The following CLTC variants were observed in gnomAD, a reference collection of about 807,000 sequenced individuals.
The protein encoded by CLTC is clathrin heavy chain 1.
In CLTC, 16 loss-of-function variants were observed where a neutral mutation model predicts 195.8. The ratio of observed to expected loss-of-function variants is 0.08; its 90% CI spans 0.06 to 0.12. The LOEUF is 0.12. Among genes scored for constraint, CLTC ranks in the 10% least tolerant of loss-of-function variants. CLTC has a pLI of 1.00. For synonymous variants in CLTC, 667 were observed against 689.4 expected (o/e 0.97, Z 0.51); for missense variants, 796 against 2,027.0 (o/e 0.39, Z 11.66).
intron 13 of CLTC, among the ~76,000 whole-genome samples, chr17:59,667,583 G>A (rs2032759843): frequency 6.6e-6 from 1 of 152,180 alleles, no homozygotes; most frequent in Non-Finnish European, 1.5e-5. Flanking sequence ...TATTTAGCAG[G>A]ATTTCTTAAC....
chr17:59,677,506 T>C (rs1390585549), intron 17 of CLTC, among the ~76,000 whole-genome samples: 4 of 152,208 alleles, frequency 2.6e-5, no homozygotes, highest in African/African-American at 9.6e-5. Context: ...TGGGAATAAC[T>C]TGAATGCATC....
chr17:59,664,871 T>A lies in CLTC; in HGVS notation c.1606T>A (p.Leu536Ile), dbSNP rs749766736. The A allele has an allele frequency of 2.5e-6, 4 of 1,613,946 alleles. No individual in the cohort carries two copies. In the African/African-American group the frequency reaches 5.3e-5, roughly 22 times the overall value. ...PDQGQQFAQM[L>I]VQDEEPLADI... is the part of the protein sequence containing the mutation. The stretch of plus-strand genomic sequence containing the variant: ...TCAGGGACAGCAGTTTGCCCAAATG[T>A]TAGTTCAAGATGAAGAGCCTCTTGC... Residue 536 changes from leucine (L) to isoleucine (I), a missense_variant, in exon 10 of 32, where the codon TTA becomes ATA. Leu to Ile is a conservative substitution (Grantham distance 5). Around this residue, in one of 9 missense-constraint regions of CLTC, gnomAD observed 293 missense variants for 795.6 expected, o/e 0.37. Coordinates refer to ENST00000269122, the MANE Select transcript of CLTC (RefSeq NM_004859.4).
intron 30 of CLTC, chr17:59,686,914 C>T (rs2143605359): frequency 1.2e-6 from 1 of 810,914 alleles, no homozygotes; most frequent in South Asian, 5.6e-5. Context: ...TGTTTCTTCC[C>T]TAAACCTTTG....
At chr17:59,639,964 G>T (rs1056791669) in intron 1 of CLTC, among the ~76,000 whole-genome samples, 1 of 151,918 alleles carries the variant, frequency 6.6e-6, no homozygotes, top group Non-Finnish European at 1.5e-5. Context: ...AATAAATAAA[G>T]AATAAAAATA....
At position 59,674,993 on chromosome 17, in the gene CLTC, T is replaced by TTTA. The variant is rs377256570; in HGVS notation, c.2561+150_2561+151insTTA. On this transcript the variant is annotated intron_variant, in intron 16 of 31. Coordinates refer to ENST00000269122, the MANE Select transcript of CLTC (RefSeq NM_004859.4). ...AACATAGAGGTGATAAGCTAGCTAA[T>TTTA]AGCACTGGGAAAAAATCTGTTTTCT... The TTTA allele has an allele frequency of 3.1e-3, 2,198 of 716,086 alleles. 7 individuals carry two copies. Among genetic ancestry groups the TTTA allele is most frequent in the Non-Finnish European group, 4.0e-3 (1,756 of 441,970 alleles). 44.4% of individuals were successfully genotyped at this position (716,086 alleles called of 1,614,324 possible). A position where few individuals can be genotyped will look rare whatever the true frequency, so the allele number is the denominator to read the frequency against.
rs556688349 is a variant in CLTC, at chr17:59,636,159, C to G, written c.43-8117C>G. Among the ~76,000 whole-genome samples, 3 of 151,828 alleles carry G rather than the reference C, an allele frequency of 2.0e-5. No individual in the cohort carries two copies. In the East Asian group the frequency reaches 5.8e-4, roughly 29 times the overall value. On this transcript the variant is annotated intron_variant, in intron 1 of 31. Transcript: ENST00000269122. ...CAAAAAAAAAAAAAACAGTCTATAT[C>G]ATAATACCATAGTCCCAGAACTAGA...
Position 59,681,480 on chromosome 17 carries a change from T to C in CLTC, c.3249+2T>C. The stretch of plus-strand genomic sequence containing the variant: ...GATGTCAATACTTCAGCAGTTCAGG[T>C]AAATCTTCAGATTACCTAAGTTGAA... On this transcript the variant is annotated splice_donor_variant, in intron 20 of 31. Coordinates refer to ENST00000269122, the MANE Select transcript of CLTC (RefSeq NM_004859.4). LOFTEE classifies it high-confidence loss of function. This position sits in a 1 kb window ranked among gnomAD's most constrained non-coding sequence, Gnocchi z 5.0. 1.2e-6 allele frequency: 2 copies of C among 1,613,842 alleles called. No homozygotes were observed. The highest frequency in any genetic ancestry group is 1.7e-6 in the Non-Finnish European group (2 of 1,179,808).
intron 6 of CLTC, among the ~76,000 whole-genome samples, chr17:59,658,475 C>T (rs1229874166): frequency 6.6e-6 from 1 of 152,146 alleles, no homozygotes; most frequent in Non-Finnish European, 1.5e-5. Context: ...ATTTTATGTG[C>T]CAGCTACTTT....
At chr17:59,676,827 C>T (rs375163017) in intron 16 of CLTC, 127 bp from the exon 17 acceptor site, 41 of 700,192 alleles carry the variant, frequency 5.9e-5, no homozygotes, top group Non-Finnish European at 7.1e-5. Flanking sequence ...TAGCAATACT[C>T]GGGGGGCGGG....
chr17:59,676,758 G>A (rs558225084), intron 16 of CLTC, among the ~76,000 whole-genome samples, 196 bp from the exon 17 acceptor site: 2 of 152,280 alleles, frequency 1.3e-5, no homozygotes, highest in South Asian at 4.1e-4. Context: ...TTGAGCCCAA[G>A]GCTGTAGTGC....
At chr17:59,671,541 G>C (rs558713916) in intron 14 of CLTC, among the ~76,000 whole-genome samples, 1 of 152,266 alleles carries the variant, frequency 6.6e-6, no homozygotes, top group South Asian at 2.1e-4. Flanking sequence ...GGTACCCTGT[G>C]AGCAGGATAA....
chr17:59,653,342 C>T (rs1048790304), intron 5 of CLTC, among the ~76,000 whole-genome samples: 3 of 151,348 alleles, frequency 2.0e-5, no homozygotes, highest in African/African-American at 7.3e-5. Flanking sequence ...TACAGGCACC[C>T]ACCACCACCC....
chr17:59,634,781 A>G (rs1354007205), intron 1 of CLTC, among the ~76,000 whole-genome samples: 2 of 152,212 alleles, frequency 1.3e-5, no homozygotes, highest in Non-Finnish European at 2.9e-5. Flanking sequence ...TATCCTGTTG[A>G]TGGAAGAACT....
At chr17:59,687,547 A>AT (rs2033210497) in intron 30 of CLTC, among the ~76,000 whole-genome samples, 1 of 151,388 alleles carries the variant, frequency 6.6e-6, no homozygotes, top group Non-Finnish European at 1.5e-5. Context: ...ATTCTTACTA[A>AT]TTTTTTGCTG....
chr17:59,625,259 C>G (rs1365547208), intron 1 of CLTC, among the ~76,000 whole-genome samples: 1 of 151,914 alleles, frequency 6.6e-6, no homozygotes, highest in Non-Finnish European at 1.5e-5. Context: ...CAGGCGCGTG[C>G]TACCACGCCC....
chr17:59,628,351 A>G (rs112937258), intron 1 of CLTC, among the ~76,000 whole-genome samples: 21 of 152,298 alleles, frequency 1.4e-4, no homozygotes, highest in African/African-American at 5.1e-4. Flanking sequence ...GTTAGACTAC[A>G]GTATGTTTTT....
In CLTC at chr17:59,666,790, C is replaced by T. The variant is rs1410145218; in HGVS notation, c.1948-7C>T. 1 of 1,604,700 alleles carries T rather than the reference C, an allele frequency of 6.2e-7. No individual in the cohort carries two copies. The highest frequency in any genetic ancestry group is 8.5e-7 in the Non-Finnish European group (1 of 1,174,816). ...TTATTCATTCATTCATTTATTTTGT[C>T]TTGTAGTGGTTAGTCAACTACTTTG... On this transcript the variant is annotated splice_region_variant and splice_polypyrimidine_tract_variant and intron_variant, in intron 12 of 31. Transcript: ENST00000269122. This position sits in a 1 kb window ranked among gnomAD's most constrained non-coding sequence, Gnocchi z 4.9.
chr17:59,676,872 G>C, intron 16 of CLTC, 82 bp from the exon 17 acceptor site: 1 of 1,016,496 alleles, frequency 9.8e-7, no homozygotes, highest in Non-Finnish European at 1.5e-6. Context: ...TAGACCATAA[G>C]GTATTTACAT....
At chr17:59,644,768 G>T (rs944381542) in intron 2 of CLTC, among the ~76,000 whole-genome samples, 1 of 152,080 alleles carries the variant, frequency 6.6e-6, no homozygotes, top group African/African-American at 2.4e-5. Context: ...GGCCAGGCTG[G>T]TCTCGAACTC....
Sources: allele counts gnomAD v4.1 joint callset (sites outside exome capture counted in the v4.1 genomes callset), GRCh38; gene constraint gnomAD v4.1.1; regional missense constraint gnomAD v4.1.1; non-coding constraint Gnocchi (gnomAD v3.1); transcripts MANE v1.5; gene names NCBI Gene and HGNC (gene_info 2026-07-23, HGNC 2026-07-21).